The following SLK variants were observed in gnomAD, a reference collection of about 807,000 sequenced individuals.
SLK encodes STE20-like serine/threonine-protein kinase.
Under a neutral mutation model 147.7 loss-of-function variants are expected in SLK, and 67 were observed. The ratio of observed to expected loss-of-function variants is 0.45; its 90% CI spans 0.37 to 0.56. SLK has a LOEUF of 0.56. SLK is among the 20% of genes least tolerant of loss of function. The pLI is 0.00. For missense variants in SLK, 1,136 were observed against 1,438.8 expected (o/e 0.79, Z 3.41); for synonymous variants, 441 against 475.0 (o/e 0.93, Z 0.93).
intron 4 of SLK, among the ~76,000 whole-genome samples, chr10:103,993,708 G>C (rs1046762365): frequency 3.9e-5 from 6 of 152,154 alleles, no homozygotes; most frequent in Admixed American, 1.3e-4. Flanking sequence ...TAGGTCTTAT[G>C]AAAGTTATAG....
At position 104,025,756 on chromosome 10, in the gene SLK, T is replaced by C. The variant is rs1844590291; in HGVS notation, c.*36T>C. 1.3e-6 allele frequency: 2 copies of C among 1,592,590 alleles called. No individual in the cohort carries two copies. Among genetic ancestry groups the C allele is most frequent in the African/African-American group, 2.7e-5 (2 of 74,452 alleles). On this transcript the variant is annotated 3_prime_UTR_variant, in exon 19 of 19. Transcript: ENST00000369755. Reference sequence around the variant, plus strand: ...CATTCTGTGCGTGGGTTTGGCTCTTTCAGTATGTCATTCTGTTCTCATCTT... The same window carrying C: ...CATTCTGTGCGTGGGTTTGGCTCTTCCAGTATGTCATTCTGTTCTCATCTT...
intron 1 of SLK, among the ~76,000 whole-genome samples, chr10:103,976,082 T>A (rs1732209086): frequency 6.6e-6 from 1 of 152,132 alleles, no homozygotes; most frequent in African/African-American, 2.4e-5. Context: ...TTTATATTTT[T>A]TGTAGAGACG....
intron 4 of SLK, among the ~76,000 whole-genome samples, chr10:103,997,237 T>C (rs1451255274): frequency 6.6e-6 from 1 of 152,230 alleles, no homozygotes; most frequent in Non-Finnish European, 1.5e-5. Flanking sequence ...TTCATCCACG[T>C]TGTAGCGTAT....
intron 18 of SLK, among the ~76,000 whole-genome samples, chr10:104,022,102 A>G (rs1238515122): frequency 6.6e-6 from 1 of 152,124 alleles, no homozygotes; most frequent in African/African-American, 2.4e-5. Context: ...TTGGAGTGGA[A>G]TGGGATGATT....
intron 18 of SLK, 132 bp downstream of exon 18, chr10:104,021,865 TC>T (rs771315967): frequency 1.2e-5 from 7 of 570,596 alleles, no homozygotes; most frequent in Middle Eastern, 2.7e-4. Context: ...AAAGTTTTTG[TC>T]CCCAGAAGTT....
At position 104,005,988 on chromosome 10, in the gene SLK, C is replaced by A. The variant is rs763682373; in HGVS notation, c.2557C>A (p.Gln853Lys). 2 of 1,612,824 alleles carry A rather than the reference C, an allele frequency of 1.2e-6. No homozygotes were observed. The highest frequency in any genetic ancestry group is 2.2e-5 in the South Asian group (2 of 90,758). ...CCAACAACAGCTCAATAGCAAACTA[C>A]AGCAACAACGAGAACAAATTTTCCG... is the stretch of plus-strand genomic sequence containing the variant. ...RAQQQLNSKL[Q>K]QQREQIFRRF... Residue 853 changes from glutamine (Q) to lysine (K), a missense_variant, in exon 11 of 19, where the codon CAG (glutamine) becomes AAG (lysine). This residue lies in a region of SLK where 327 missense variants were observed against 457.5 expected (regional missense o/e 0.71). Coordinates refer to ENST00000369755, the MANE Select transcript of SLK (RefSeq NM_014720.4).
Position 104,018,147 on chromosome 10 carries a change from C to T in SLK, c.2878-13C>T, listed in dbSNP as rs948885918. 1 of 1,585,340 alleles carries T rather than the reference C, an allele frequency of 6.3e-7. No individual in the cohort carries two copies. The highest frequency in any genetic ancestry group is 1.4e-5 in the African/African-American group (1 of 73,160). ...TAGATACTTATTAACTGACAATTAA[C>T]TGTTTTTAATAGGAACAAGAGTTTG... On this transcript the variant is annotated splice_polypyrimidine_tract_variant and intron_variant, in intron 13 of 18. Coordinates refer to ENST00000369755, the MANE Select transcript of SLK (RefSeq NM_014720.4).
At chr10:104,010,158 G>A (rs922103742) in intron 12 of SLK, among the ~76,000 whole-genome samples, 4 of 152,086 alleles carry the variant, frequency 2.6e-5, no homozygotes, top group African/African-American at 9.7e-5. Context: ...CAATTTTTAA[G>A]TTGACAGGCT....
intron 13 of SLK, among the ~76,000 whole-genome samples, chr10:104,014,626 T>C (rs1288479363): frequency 6.6e-6 from 1 of 152,210 alleles, no homozygotes; most frequent in Non-Finnish European, 1.5e-5. Context: ...TTACCATTTT[T>C]AGCCTTTGTT....
In SLK at chr10:104,003,515, G is replaced by A. The variant is rs375037120; in HGVS notation, c.2337G>A (p.Ser779=). The A allele has an allele frequency of 1.9e-4, 304 of 1,572,944 alleles. No individual in the cohort carries two copies. Among genetic ancestry groups the A allele is most frequent in the Non-Finnish European group, 2.5e-4 (290 of 1,161,840 alleles). ...TAAGTAAAACTAAAGACAGTGGATC[G>A]ATATCTTTACAAGTAAGTGTACATG... ...SFLSKTKDSG[S]ISLQETRRQK... is the part of the protein sequence containing the mutation. The change falls in exon 9 of 19, where the codon TCG becomes TCA. Residue 779 remains serine, a synonymous_variant. Coordinates refer to ENST00000369755, the MANE Select transcript of SLK (RefSeq NM_014720.4).
intron 13 of SLK, among the ~76,000 whole-genome samples, chr10:104,016,521 A>G (rs377710963): frequency 1.3e-5 from 2 of 152,146 alleles, no homozygotes; most frequent in African/African-American, 2.4e-5. Context: ...AATTTTTTCA[A>G]TGATAATTTT....
intron 1 of SLK, among the ~76,000 whole-genome samples, chr10:103,980,307 C>T (rs1014416006): frequency 9.9e-5 from 15 of 152,062 alleles, no homozygotes. Flanking sequence ...TAGTAAAATA[C>T]ACATAAAATT....
At chr10:103,998,073 C>T (rs1042294161) in intron 4 of SLK, among the ~76,000 whole-genome samples, 2 of 152,038 alleles carry the variant, frequency 1.3e-5, no homozygotes, top group African/African-American at 4.8e-5. Flanking sequence ...CCCCAAGAAC[C>T]ATATAATAGA....
chr10:103,991,653 C>A (rs1323398879), intron 2 of SLK, among the ~76,000 whole-genome samples: 1 of 151,770 alleles, frequency 6.6e-6, no homozygotes, highest in East Asian at 1.9e-4. Flanking sequence ...GATCTACCTC[C>A]CAAATTATTT....
intron 1 of SLK, among the ~76,000 whole-genome samples, chr10:103,969,106 T>A (rs1220083017): frequency 6.6e-6 from 1 of 151,980 alleles, no homozygotes; most frequent in African/African-American, 2.4e-5. Context: ...AGTAGCTGGG[T>A]TTACAGGCAT....
At chr10:103,985,318 C>T (rs566217827) in intron 1 of SLK, among the ~76,000 whole-genome samples, 5 of 152,246 alleles carry the variant, frequency 3.3e-5, no homozygotes, top group Admixed American at 6.5e-5. Context: ...GAGCACATTT[C>T]GCTGGGGTGT....
chr10:104,019,895 A>G lies in SLK; in HGVS notation c.3294A>G (p.Pro1098=). 1.2e-6 allele frequency: 2 copies of G among 1,613,646 alleles called. No homozygotes were observed. Among genetic ancestry groups the G allele is most frequent in the African/African-American group, 1.3e-5 (1 of 75,030 alleles). ...TGAGAATTAACTCAACAGCCACACC[A>G]GATCAGGACCGTGATAAAATTAAAC... The part of the protein sequence containing the change: ...KSLRINSTAT[P]DQDRDKIKQF... The change falls in exon 16 of 19, where the codon CCA becomes CCG. Residue 1098 remains proline, a synonymous_variant. Coordinates refer to ENST00000369755, the MANE Select transcript of SLK (RefSeq NM_014720.4).
In SLK at chr10:103,988,791, GT is replaced by G. The variant is rs555179873; in HGVS notation, c.151-1873del. Among the ~76,000 whole-genome samples the G allele has an allele frequency of 4.2e-3, 611 of 146,214 alleles. 2 individuals carry two copies. Among genetic ancestry groups the G allele is most frequent in the South Asian group, 0.027 (127 of 4,638 alleles). On this transcript the variant is annotated intron_variant, in intron 1 of 18. Coordinates refer to ENST00000369755, the MANE Select transcript of SLK (RefSeq NM_014720.4). Reference sequence around the variant, plus strand: ...ATAGTATATTAAATGTTTATATGTGGTTTTTTTTTTTACTTGGCAGATATAT... The same window carrying G: ...ATAGTATATTAAATGTTTATATGTGGTTTTTTTTTTACTTGGCAGATATAT...
chr10:103,979,342 G>A (rs939032805), intron 1 of SLK, among the ~76,000 whole-genome samples: 1 of 152,188 alleles, frequency 6.6e-6, no homozygotes, highest in Non-Finnish European at 1.5e-5. Context: ...TGCTTGTAAA[G>A]CATGTTTTAT....
Sources: gnomAD v4.1 joint callset for allele counts (sites outside exome capture counted in the v4.1 genomes callset) on GRCh38, gnomAD v4.1.1 for gene constraint, gnomAD v4.1.1 regional missense constraint, MANE v1.5 for transcripts, NCBI Gene and HGNC (gene_info 2026-07-23, HGNC 2026-07-21) for gene names.